The following KIF24 variants were observed in gnomAD, a reference collection of about 807,000 sequenced individuals.
KIF24 encodes the protein kinesin-like protein KIF24.
KIF24 carries 81 observed loss-of-function variants against 118.9 expected under a neutral mutation model. The observed-to-expected ratio is 0.68, with a 90% confidence interval of 0.57 to 0.82. KIF24 has a LOEUF of 0.82. KIF24 is among the 40% of genes least tolerant of loss of function. The pLI is 0.00. For missense variants in KIF24, 1,560 were observed against 1,661.6 expected (o/e 0.94, Z 1.06); for synonymous variants, 599 against 610.0 (o/e 0.98, Z 0.27).
At chr9:34,268,832 CA>C (rs1048827847) in intron 8 of KIF24, among the ~76,000 whole-genome samples, 2 of 152,052 alleles carry the variant, frequency 1.3e-5, no homozygotes, top group Admixed American at 6.6e-5. Flanking sequence ...ATAATCCAAC[CA>C]GGGGGAGGGA....
At chr9:34,301,453 A>G (rs575370264) in intron 3 of KIF24, among the ~76,000 whole-genome samples, 1 of 152,208 alleles carries the variant, frequency 6.6e-6, no homozygotes, top group Admixed American at 6.5e-5. Context: ...TTTCGCTATG[A>G]TAGCCAGGCT....
chr9:34,296,230 A>C (rs1836469320), intron 4 of KIF24, among the ~76,000 whole-genome samples: 1 of 137,982 alleles, frequency 7.2e-6, no homozygotes, highest in African/African-American at 2.7e-5. Flanking sequence ...AAAAAAAAAA[A>C]AAAAACATCT....
chr9:34,270,668 C>A, intron 7 of KIF24, among the ~76,000 whole-genome samples: 1 of 150,394 alleles, frequency 6.6e-6, no homozygotes. Context: ...CATCTGTCAC[C>A]CCATTGATCT....
At position 34,290,167 on chromosome 9, in the gene KIF24, T is replaced by G. The variant is rs770752063; in HGVS notation, c.1127+7A>C. ...CAGATTTATCGCTTCCCACTCATAT[T>G]CAGTACCTTTTTCTTCTATTTAGGA... On this transcript the variant is annotated splice_region_variant and intron_variant, in intron 5 of 12. Transcript: ENST00000402558. 41 of 1,596,268 alleles carry G rather than the reference T, an allele frequency of 2.6e-5. No homozygotes were observed. The highest frequency in any genetic ancestry group is 3.5e-5 in the Non-Finnish European group (41 of 1,164,412).
chr9:34,310,106 T>C (rs936622808), intron 2 of KIF24, among the ~76,000 whole-genome samples: 3 of 152,194 alleles, frequency 2.0e-5, no homozygotes, highest in Non-Finnish European at 2.9e-5. Context: ...AAATAACTTA[T>C]TGTCACCCTG....
At position 34,254,235 on chromosome 9, in the gene KIF24, CGTG is replaced by C; in HGVS notation, c.*142_*144del. 1 of 868,252 alleles carries C rather than the reference CGTG, an allele frequency of 1.2e-6. No individual in the cohort carries two copies. 53.8% of individuals were successfully genotyped at this position (868,252 alleles called of 1,614,324 possible). A position where few individuals can be genotyped will look rare whatever the true frequency, so the allele number is the denominator to read the frequency against. On this transcript the variant is annotated 3_prime_UTR_variant, in exon 13 of 13. Coordinates refer to ENST00000402558, the MANE Select transcript of KIF24 (RefSeq NM_194313.4). ...AGAAGCTGGGACCTATCTGAAGCCACGTGGGGCTGGGGTGACGCTAGCATAGGC... is the reference window on the plus strand; with the variant it reads ...AGAAGCTGGGACCTATCTGAAGCCACGGGCTGGGGTGACGCTAGCATAGGC...
chr9:34,318,833 G>C lies in KIF24; in HGVS notation c.-25-7462C>G. ...GGGACCCAGCTCAGTGAGTTTCGCT[G>C]ATGACTTCGTGCGCAGCAGCAAGCA... On this transcript the variant is annotated intron_variant, in intron 1 of 12. Transcript: ENST00000402558. The surrounding 1 kb of genome is among the most constrained non-coding windows in gnomAD (Gnocchi z 4.9). The C allele has an allele frequency of 6.3e-7, 1 of 1,599,384 alleles. No individual in the cohort carries two copies. The highest frequency in any genetic ancestry group is 8.6e-7 in the Non-Finnish European group (1 of 1,168,254).
intron 4 of KIF24, among the ~76,000 whole-genome samples, chr9:34,292,937 T>C (rs1836311027): frequency 6.6e-6 from 1 of 152,186 alleles, no homozygotes; most frequent in Non-Finnish European, 1.5e-5. Context: ...CCTATTATAC[T>C]TTAAAGAATG....
At chr9:34,301,836 C>T (rs1283497379) in intron 3 of KIF24, among the ~76,000 whole-genome samples, 1 of 151,726 alleles carries the variant, frequency 6.6e-6, no homozygotes, top group African/African-American at 2.4e-5. Context: ...GACCCTGTCT[C>T]AGAAAAATTA....
intron 4 of KIF24, among the ~76,000 whole-genome samples, chr9:34,290,800 A>G (rs1281672469): frequency 1.3e-5 from 2 of 152,050 alleles, no homozygotes; most frequent in Non-Finnish European, 2.9e-5. Context: ...GGGTTTCACC[A>G]TGTTGGCCAA....
At position 34,253,325 on chromosome 9, in the gene KIF24, AAAGT is replaced by A. The variant is rs1834681142; in HGVS notation, c.*1051_*1054del. On this transcript the variant is annotated 3_prime_UTR_variant, in exon 13 of 13. Coordinates refer to ENST00000402558, the MANE Select transcript of KIF24 (RefSeq NM_194313.4). Reference sequence around the variant, plus strand: ...TCTCCATTTGACCCAGAGTGGCTTTAAAGTAATTGGCACCTGGAGGCTACTTTGT... The same window carrying A: ...TCTCCATTTGACCCAGAGTGGCTTTAAATTGGCACCTGGAGGCTACTTTGT... 1 of 152,244 alleles carries A rather than the reference AAAGT, an allele frequency of 6.6e-6. No individual in the cohort carries two copies. The highest frequency in any genetic ancestry group is 1.5e-5 in the Non-Finnish European group (1 of 68,042). 9.4% of individuals were successfully genotyped at this position (152,244 alleles called of 1,614,324 possible).
chr9:34,310,933 T>C lies in KIF24; in HGVS notation c.414A>G (p.Glu138=), dbSNP rs755086835. Residue 138 remains glutamate (E), a synonymous_variant, in exon 2 of 13, where the codon GAA becomes GAG. Coordinates refer to ENST00000402558, the MANE Select transcript of KIF24 (RefSeq NM_194313.4). ...ACTGGGAATCATCTGGTAGCATGTG[T>C]TCTAGCACTTTTAGGTAAGTGGACT... ...EQKSTYLKVL[E]HMLPDDSQYH... The C allele has an allele frequency of 2.5e-6, 4 of 1,613,856 alleles. No individual in the cohort carries two copies. The Admixed American group carries it at 6.7e-5, about 27-fold the overall frequency.
intron 1 of KIF24, among the ~76,000 whole-genome samples, chr9:34,320,658 CAAA>C (rs68048466): frequency 3.1e-4 from 17 of 54,438 alleles, no homozygotes; most frequent in Non-Finnish European, 3.7e-4. Context: ...AACTCCTTCT[CAAA>C]AAAAAAAAAA....
chr9:34,254,304 G>T lies in KIF24; in HGVS notation c.*76C>A, dbSNP rs549082113. ...GTTCTGGTGTGTGCAGGGAGGACCT[G>T]GCAGAGGCTCCTCCAGCCTGAGAGC... On this transcript the variant is annotated 3_prime_UTR_variant, in exon 13 of 13. Coordinates refer to ENST00000402558, the MANE Select transcript of KIF24 (RefSeq NM_194313.4). 13 of 1,453,392 alleles carry T rather than the reference G, an allele frequency of 8.9e-6. No homozygotes were observed. The South Asian group carries it at 1.4e-4, about 15-fold the overall frequency. The allele number at this position is 1,453,392 out of a possible 1,614,324, so 90.0% of individuals were successfully genotyped here.
intron 1 of KIF24, chr9:34,319,644 G>GT: frequency 1.2e-6 from 1 of 859,222 alleles, no homozygotes; most frequent in Non-Finnish European, 2.0e-6. Context: ...CAAGATGCAA[G>GT]ACGAGTTTTA....
Position 34,271,943 on chromosome 9 carries a change from T to G in KIF24, c.1216-13A>C. ...CCTTTAAGATCACCTGAAAATAAAATCCACAGGATGACTTCCCCAAGGAGT... is the reference window on the plus strand; with the variant it reads ...CCTTTAAGATCACCTGAAAATAAAAGCCACAGGATGACTTCCCCAAGGAGT... On this transcript the variant is annotated splice_polypyrimidine_tract_variant and intron_variant, in intron 6 of 12. Transcript: ENST00000402558. The G allele has an allele frequency of 6.3e-7, 1 of 1,575,480 alleles. No homozygotes were observed. Among genetic ancestry groups the G allele is most frequent in the African/African-American group, 1.3e-5 (1 of 74,168 alleles).
intron 1 of KIF24, among the ~76,000 whole-genome samples, chr9:34,316,074 G>A (rs958156194): frequency 7.3e-5 from 11 of 150,726 alleles, no homozygotes; most frequent in African/African-American, 2.4e-4. Context: ...ATTATCGGCC[G>A]GGCGTGGGGG....
intron 4 of KIF24, among the ~76,000 whole-genome samples, chr9:34,294,718 A>G (rs1396366218): frequency 6.6e-6 from 1 of 152,194 alleles, no homozygotes. Context: ...AATATAAAAC[A>G]CCATTATGCT....
chr9:34,277,366 T>A lies in KIF24; in HGVS notation c.1216-5436A>T, dbSNP rs913226502. The stretch of plus-strand genomic sequence containing the variant: ...AGGTAGAATATTGTCAGGCCAGGAA[T>A]AGAAGCCAGATATCCTCTTCTACAT... On this transcript the variant is annotated intron_variant, in intron 6 of 12. Coordinates refer to ENST00000402558, the MANE Select transcript of KIF24 (RefSeq NM_194313.4). 3.7e-4 allele frequency among the ~76,000 whole-genome samples: 57 copies of A among 152,172 alleles called. 1 individual carries two copies. The highest frequency in any genetic ancestry group is 1.5e-5 in the Non-Finnish European group (1 of 68,026).
Sources: allele counts gnomAD v4.1 joint callset (sites outside exome capture counted in the v4.1 genomes callset), GRCh38; gene constraint gnomAD v4.1.1; non-coding constraint Gnocchi (gnomAD v3.1); transcripts MANE v1.5; gene names NCBI Gene and HGNC (gene_info 2026-07-23, HGNC 2026-07-21).